Variants in HS3ST2 observed in about 807,000 individuals in gnomAD.
HS3ST2 encodes heparan sulfate glucosamine 3-O-sulfotransferase 2.
HS3ST2 carries 17 observed loss-of-function variants against 26.3 expected under a neutral mutation model. The observed-to-expected ratio is 0.65, with a 90% CI of 0.44 to 0.97. HS3ST2 has a LOEUF of 0.97. HS3ST2 is among the 50% of genes least tolerant of loss of function. HS3ST2 has a pLI of 0.00. For missense variants in HS3ST2, 402 were observed against 501.2 expected (o/e 0.80, Z 1.89); for synonymous variants, 237 against 219.2 (o/e 1.08, Z -0.72).
At position 22,834,334 on chromosome 16, in the gene HS3ST2, A is replaced by G. The variant is rs370322496; in HGVS notation, c.485+19239A>G. Among the ~76,000 whole-genome samples the G allele has an allele frequency of 5.9e-5, 9 of 152,302 alleles. No individual in the cohort carries two copies. In the East Asian group the frequency reaches 7.7e-4, roughly 13 times the overall value. ...GTGTATACTTAATATACCATTTTAT[A>G]CTGCTATTCATATCAGTACATATAG... On this transcript the variant is annotated intron_variant, in intron 1 of 1. Transcript: ENST00000261374.
At chr16:22,913,156 G>A (rs142731687) in intron 1 of HS3ST2, among the ~76,000 whole-genome samples, 7,582 of 60,278 alleles carry the variant, frequency 0.13, 329 homozygotes, top group African/African-American at 0.16. Context: ...GGAAGGGAGG[G>A]AGGGAGGGAG....
At chr16:22,868,734 T>A (rs990471631) in intron 1 of HS3ST2, among the ~76,000 whole-genome samples, 1 of 152,180 alleles carries the variant, frequency 6.6e-6, no homozygotes, top group East Asian at 1.9e-4. Flanking sequence ...CTGCTGCAGC[T>A]TTCTGAGGTC....
intron 1 of HS3ST2, among the ~76,000 whole-genome samples, chr16:22,822,254 C>G (rs1176787989): frequency 6.6e-6 from 1 of 152,156 alleles, no homozygotes; most frequent in East Asian, 1.9e-4. Flanking sequence ...CAGTCTCAAC[C>G]TCCCAGGCTC....
rs552390192 is a variant in HS3ST2 at position 22,827,714 on chromosome 16, T to C, written c.485+12619T>C. Reference sequence around the variant, plus strand: ...ATAGTATTTCTTTCTTTCTTTCTTTTTTTTTTTTTTTTTTTGAGACAAGGT... The same window carrying C: ...ATAGTATTTCTTTCTTTCTTTCTTTCTTTTTTTTTTTTTTTGAGACAAGGT... On this transcript the variant is annotated intron_variant, in intron 1 of 1. Transcript: ENST00000261374. Among the ~76,000 whole-genome samples the C allele has an allele frequency of 2.1e-3, 305 of 146,706 alleles. 3 individuals are homozygous for C. The highest frequency in any genetic ancestry group is 4.5e-3 in the African/African-American group (182 of 40,046).
At chr16:22,870,334 C>G (rs529261874) in intron 1 of HS3ST2, among the ~76,000 whole-genome samples, 1 of 152,182 alleles carries the variant, frequency 6.6e-6, no homozygotes, top group East Asian at 1.9e-4. Flanking sequence ...CTCACCCACT[C>G]TCAGCCAAGC....
intron 1 of HS3ST2, among the ~76,000 whole-genome samples, chr16:22,878,429 C>T (rs936997843): frequency 6.6e-6 from 1 of 152,156 alleles, no homozygotes; most frequent in Non-Finnish European, 1.5e-5. Context: ...GAGATTAGTA[C>T]ATGTTCGAGT....
intron 1 of HS3ST2, among the ~76,000 whole-genome samples, chr16:22,857,000 A>G (rs1211048182): frequency 6.6e-6 from 1 of 152,126 alleles, no homozygotes; most frequent in African/African-American, 2.4e-5. Context: ...TACATATAAT[A>G]TATTCGAGGC....
At chr16:22,904,332 G>T (rs949873335) in intron 1 of HS3ST2, among the ~76,000 whole-genome samples, 2 of 152,162 alleles carry the variant, frequency 1.3e-5, no homozygotes, top group African/African-American at 2.4e-5. Context: ...CTTGTCTCAT[G>T]AATAAATCCA....
At chr16:22,889,277 G>A (rs941203027) in intron 1 of HS3ST2, among the ~76,000 whole-genome samples, 1 of 152,140 alleles carries the variant, frequency 6.6e-6, no homozygotes, top group Middle Eastern at 3.2e-3. Context: ...AATCAAAATC[G>A]AACTTATTTG....
intron 1 of HS3ST2, among the ~76,000 whole-genome samples, chr16:22,894,519 C>G (rs909976051): frequency 1.3e-5 from 2 of 152,162 alleles, no homozygotes; most frequent in African/African-American, 4.8e-5. Flanking sequence ...CAAGAACTCA[C>G]TTTCTCTTCC....
chr16:22,824,249 G>A (rs1250935599), intron 1 of HS3ST2, among the ~76,000 whole-genome samples: 5 of 152,308 alleles, frequency 3.3e-5, no homozygotes, highest in South Asian at 4.1e-4. Context: ...ATGACGTGAA[G>A]CTTAAAAACA....
intron 1 of HS3ST2, among the ~76,000 whole-genome samples, chr16:22,824,142 G>A (rs574314323): frequency 6.6e-6 from 1 of 152,224 alleles, no homozygotes; most frequent in African/African-American, 2.4e-5. Flanking sequence ...GTGGCACAAG[G>A]CTTTTCTTTA....
intron 1 of HS3ST2, among the ~76,000 whole-genome samples, chr16:22,845,300 A>G (rs1408821090): frequency 6.8e-6 from 1 of 146,242 alleles, no homozygotes; most frequent in Non-Finnish European, 1.5e-5. Flanking sequence ...TGCTCTCATC[A>G]CTTCTGCCAT....
At chr16:22,892,776 C>G (rs911989130) in intron 1 of HS3ST2, among the ~76,000 whole-genome samples, 2 of 152,174 alleles carry the variant, frequency 1.3e-5, no homozygotes, top group Admixed American at 6.5e-5. Flanking sequence ...TACAGCTTTA[C>G]AATATATATA....
Position 22,815,109 on chromosome 16 carries a change from G to C in HS3ST2, c.485+14G>C. On this transcript the variant is annotated intron_variant, in intron 1 of 1. Transcript: ENST00000261374. ...GGATTGGTACAGGTAAGGACCAGGA[G>C]CTCCGCTCCGTGCGCCGGGTCTCTG... The C allele has an allele frequency of 6.2e-7, 1 of 1,608,358 alleles. No homozygotes were observed. Among genetic ancestry groups the C allele is most frequent in the Non-Finnish European group, 8.5e-7 (1 of 1,178,816 alleles).
intron 1 of HS3ST2, among the ~76,000 whole-genome samples, chr16:22,862,072 G>C (rs931206461): frequency 2.0e-5 from 3 of 152,298 alleles, no homozygotes; most frequent in Admixed American, 2.0e-4. Context: ...CCATGAGTAG[G>C]GGTTTTTCTC....
chr16:22,877,908 G>A (rs1014183390), intron 1 of HS3ST2, among the ~76,000 whole-genome samples: 1 of 152,154 alleles, frequency 6.6e-6, no homozygotes, highest in African/African-American at 2.4e-5. Context: ...TGCATAGAGG[G>A]GGATAATGAG....
intron 1 of HS3ST2, among the ~76,000 whole-genome samples, chr16:22,910,277 A>G (rs555682536): frequency 4.5e-4 from 69 of 152,272 alleles, no homozygotes; most frequent in South Asian, 3.5e-3. Flanking sequence ...GTATTGAAGG[A>G]TATTGCAAAG....
At chr16:22,834,133 G>T (rs1291132418) in intron 1 of HS3ST2, among the ~76,000 whole-genome samples, 46 of 152,056 alleles carry the variant, frequency 3.0e-4, no homozygotes, top group Non-Finnish European at 8.8e-5. Flanking sequence ...AGACTTTTCT[G>T]TATATCTTTT....
Sources: gnomAD v4.1 joint callset for allele counts (sites outside exome capture counted in the v4.1 genomes callset) on GRCh38, gnomAD v4.1.1 for gene constraint, MANE v1.5 for transcripts, NCBI Gene and HGNC (gene_info 2026-07-23, HGNC 2026-07-21) for gene names.